OCM: variants seen among roughly 807,000 people sequenced by gnomAD.
OCM encodes the protein oncomodulin-1.
In OCM, 18 loss-of-function variants were observed where a neutral mutation model predicts 14.1. The ratio of observed to expected loss-of-function variants is 1.28; its 90% CI spans 0.88 to 1.89. The LOEUF is 1.89. Ranked by LOEUF, OCM falls within the 40% of genes most tolerant of loss-of-function variation. OCM has a pLI of 0.00. For missense variants in OCM, 140 were observed against 137.6 expected (o/e 1.02, Z -0.09); for synonymous variants, 48 against 51.0 (o/e 0.94, Z 0.25).
chr7:5,885,116 A>G (rs533570381), intron 3 of OCM, among the ~76,000 whole-genome samples: 3 of 39,378 alleles, frequency 7.6e-5, no homozygotes, highest in African/African-American at 1.7e-4. Flanking sequence ...GTGAAACTCT[A>G]TCTCAAAAGA....
At chr7:5,864,194 C>A in the OCM span, among the ~76,000 whole-genome samples, 14 of 151,536 alleles carry the variant, frequency 9.2e-5, no homozygotes, top group East Asian at 9.7e-4. Flanking sequence ...AAAGCATTAG[C>A]CAGGCATGGT....
the OCM span, among the ~76,000 whole-genome samples, chr7:5,865,029 A>G: frequency 6.6e-6 from 1 of 152,256 alleles, no homozygotes; most frequent in South Asian, 2.1e-4. Flanking sequence ...CCTGTGGAAG[A>G]CAGCGGGCAG....
At chr7:5,864,857 G>A in the OCM span, among the ~76,000 whole-genome samples, 1 of 151,938 alleles carries the variant, frequency 6.6e-6, no homozygotes, top group Non-Finnish European at 1.5e-5. Flanking sequence ...AGAATTGCTT[G>A]AACCCGGGAG....
At chr7:5,876,651 G>A (rs567720598), upstream of OCM, among the ~76,000 whole-genome samples, 42 of 152,314 alleles carry the variant, frequency 2.8e-4, no homozygotes, top group African/African-American at 9.9e-4. Context: ...TTTAAGAGAG[G>A]CTGCAGGTAT....
At chr7:5,867,875 G>A in the OCM span, among the ~76,000 whole-genome samples, 107 of 151,520 alleles carry the variant, frequency 7.1e-4, 1 homozygote, top group Admixed American at 1.4e-3. Context: ...GATCCTCCCC[G>A]GTAGCTGGGA....
chr7:5,872,278 C>G, the OCM span, among the ~76,000 whole-genome samples: 1 of 152,156 alleles, frequency 6.6e-6, no homozygotes, highest in African/African-American at 2.4e-5. Flanking sequence ...TCGGGAAACA[C>G]ACAAGCTGTC....
At chr7:5,867,587 T>C in the OCM span, among the ~76,000 whole-genome samples, 10 of 152,150 alleles carry the variant, frequency 6.6e-5, no homozygotes, top group South Asian at 2.1e-4. Context: ...TTCTGGTCCC[T>C]CCTCTTTCTC....
chr7:5,882,594 C>A lies in OCM; in HGVS notation c.163C>A (p.Gln55Lys), dbSNP rs1781241609. 2 of 1,613,944 alleles carry A rather than the reference C, an allele frequency of 1.2e-6. No homozygotes were observed. Among genetic ancestry groups the A allele is most frequent in the African/African-American group, 2.7e-5 (2 of 74,882 alleles). The change falls in exon 2 of 4, where the codon CAG (glutamine) becomes AAG (lysine). Residue 55 changes from glutamine to lysine, a missense_variant. By Grantham distance (53) the Gln-to-Lys change is moderately conservative. Transcript: ENST00000242104. The stretch of plus-strand genomic sequence containing the variant: ...TGTTTTCCGGTTCATAGACAACGAC[C>A]AGAGCGGGTACCTGGATGAAGAAGA... Reference protein sequence around the residue: ...KDVFRFIDNDQSGYLDEEELK... With the variant: ...KDVFRFIDNDKSGYLDEEELK...
chr7:5,861,801 A>G, the OCM span, among the ~76,000 whole-genome samples: 3 of 151,740 alleles, frequency 2.0e-5, no homozygotes, highest in Non-Finnish European at 2.9e-5. Flanking sequence ...CTGGTCTCAA[A>G]CCCCTGGGCT....
the OCM span, among the ~76,000 whole-genome samples, chr7:5,868,994 C>T: frequency 2.6e-5 from 4 of 152,178 alleles, no homozygotes; most frequent in African/African-American, 9.6e-5. Flanking sequence ...ACCCGGGAGG[C>T]AGAGGTTGCA....
upstream of OCM, among the ~76,000 whole-genome samples, chr7:5,878,081 C>T (rs907014136): frequency 6.6e-6 from 1 of 151,070 alleles, no homozygotes; most frequent in African/African-American, 2.4e-5. Context: ...AGTGATTCTC[C>T]TGCCTCAGCC....
At chr7:5,870,459 G>A in the OCM span, among the ~76,000 whole-genome samples, 1 of 152,170 alleles carries the variant, frequency 6.6e-6, no homozygotes, top group Middle Eastern at 3.2e-3. Flanking sequence ...TCCATTGGCT[G>A]GGGCCAGAAC....
At chr7:5,884,326 C>A (rs1368317056) in intron 3 of OCM, among the ~76,000 whole-genome samples, 1 of 152,134 alleles carries the variant, frequency 6.6e-6, no homozygotes, top group Non-Finnish European at 1.5e-5. Flanking sequence ...CTGCATAAAG[C>A]GCGAGGTATT....
the OCM span, among the ~76,000 whole-genome samples, chr7:5,868,250 G>C: frequency 6.6e-6 from 1 of 151,998 alleles, no homozygotes; most frequent in South Asian, 2.1e-4. Context: ...GGGCTCAAGC[G>C]ATTCTCCTGC....
chr7:5,877,579 G>T (rs1453164715), upstream of OCM, among the ~76,000 whole-genome samples: 2 of 151,944 alleles, frequency 1.3e-5, no homozygotes, highest in Admixed American at 1.3e-4. Flanking sequence ...AGCACTTTGG[G>T]AGGCCGAGGC....
the OCM span, among the ~76,000 whole-genome samples, chr7:5,865,296 G>A: frequency 2.0e-5 from 3 of 152,188 alleles, no homozygotes; most frequent in African/African-American, 2.4e-5. Flanking sequence ...TGAGGATGCC[G>A]TCTAGAAAAC....
chr7:5,869,230 G>T, the OCM span, among the ~76,000 whole-genome samples: 2 of 152,156 alleles, frequency 1.3e-5, no homozygotes, highest in Non-Finnish European at 2.9e-5. Flanking sequence ...ACGAGGGGGT[G>T]CCAGGCCCTC....
chr7:5,877,946 T>C (rs921606846), upstream of OCM, among the ~76,000 whole-genome samples: 14 of 150,536 alleles, frequency 9.3e-5, no homozygotes, highest in Non-Finnish European at 1.2e-4. Context: ...ATTACACTTA[T>C]ATGATGTCCC....
chr7:5,860,699 C>T, the OCM span, among the ~76,000 whole-genome samples: 2 of 129,582 alleles, frequency 1.5e-5, 1 homozygote, highest in Non-Finnish European at 3.2e-5. Flanking sequence ...TATATTATTA[C>T]GTATATATAC....
Sources: allele counts gnomAD v4.1 joint callset (sites outside exome capture counted in the v4.1 genomes callset), GRCh38; gene constraint gnomAD v4.1.1; transcripts MANE v1.5; gene names NCBI Gene and HGNC (gene_info 2026-07-23, HGNC 2026-07-21).